CNTNAP5: variants seen among roughly 807,000 people sequenced by gnomAD.
CNTNAP5 encodes the protein contactin associated protein family member 5, also known as contactin-associated protein-like 5.
CNTNAP5 carries 72 observed loss-of-function variants against 150.2 expected under a neutral mutation model. That is an observed-to-expected ratio of 0.48 (90% confidence interval 0.40 to 0.58). The LOEUF (loss-of-function observed/expected upper bound fraction) is 0.58, where lower values mean the gene tolerates loss of function less well. Among genes scored for constraint, CNTNAP5 ranks in the 20% least tolerant of loss-of-function variants. CNTNAP5 has a pLI of 0.00. For synonymous variants in CNTNAP5, 672 were observed against 619.8 expected, an observed-to-expected ratio of 1.08 and a Z score of -1.25; for missense variants, 1,636 against 1,626.2, an observed-to-expected ratio of 1.01 and a Z score of -0.10.
At chr2:124,083,092 T>G (rs1033018361) in intron 1 of CNTNAP5, among the ~76,000 whole-genome samples, 28 of 152,338 alleles carry the variant, frequency 1.8e-4, no homozygotes, top group African/African-American at 6.5e-4. Context: ...GGCTCATGCC[T>G]GCAATCCCAG....
At chr2:124,351,572 G>A (rs1291544437) in intron 3 of CNTNAP5, among the ~76,000 whole-genome samples, 1 of 152,222 alleles carries the variant, frequency 6.6e-6, no homozygotes, top group Non-Finnish European at 1.5e-5. Flanking sequence ...ACAAGAAGTT[G>A]TGGAATAAGA....
intron 1 of CNTNAP5, among the ~76,000 whole-genome samples, chr2:124,206,913 A>G (rs1214991813): frequency 1.3e-5 from 2 of 152,180 alleles, no homozygotes; most frequent in African/African-American, 4.8e-5. Context: ...GGCAGAAAAA[A>G]AGCACTATAC....
chr2:124,536,511 G>A lies in CNTNAP5; in HGVS notation c.1649+9055G>A, dbSNP rs542190089. ...AAATTTGAGAACCACCACGTTGTTC[G>A]GTGATCGCCGTTTTCTACATAAGAC... On this transcript the variant is annotated intron_variant, in intron 10 of 23. Coordinates refer to ENST00000682447, the MANE Select transcript of CNTNAP5 (RefSeq NM_001367498.1). Among the ~76,000 whole-genome samples the A allele has an allele frequency of 1.2e-3, 177 of 152,200 alleles. 1 individual carries two copies. Among genetic ancestry groups the A allele is most frequent in the African/African-American group, 4.0e-3 (167 of 41,544 alleles).
chr2:124,428,825 G>A (rs1004225236), intron 4 of CNTNAP5, among the ~76,000 whole-genome samples: 4 of 152,100 alleles, frequency 2.6e-5, no homozygotes, highest in African/African-American at 7.2e-5. Flanking sequence ...ATCTCCACAA[G>A]TGTGTTAGAG....
intron 11 of CNTNAP5, among the ~76,000 whole-genome samples, chr2:124,585,669 C>CTTTTTTT (rs33978614): frequency 1.1e-3 from 76 of 66,380 alleles, no homozygotes; most frequent in Non-Finnish European, 1.4e-3. Context: ...GAGCTTGAAG[C>CTTTTTTT]TTTTTTTTTT....
chr2:124,624,556 A>C (rs1677680449), intron 12 of CNTNAP5, among the ~76,000 whole-genome samples: 2 of 152,174 alleles, frequency 1.3e-5, no homozygotes, highest in Admixed American at 1.3e-4. Context: ...TCAATTATTC[A>C]GTTGGTAATT....
chr2:124,629,519 CAA>C (rs1426584514), intron 12 of CNTNAP5, among the ~76,000 whole-genome samples: 1 of 152,028 alleles, frequency 6.6e-6, no homozygotes, highest in Non-Finnish European at 1.5e-5. Flanking sequence ...CCAATGAGAA[CAA>C]AGAGACAATT....
At chr2:124,709,430 T>C (rs947759099) in intron 13 of CNTNAP5, among the ~76,000 whole-genome samples, 3 of 152,100 alleles carry the variant, frequency 2.0e-5, no homozygotes, top group Non-Finnish European at 4.4e-5. Context: ...AAATGAGTCT[T>C]ACATAAATAT....
At chr2:124,550,078 C>A (rs1184092258) in intron 10 of CNTNAP5, among the ~76,000 whole-genome samples, 1 of 152,188 alleles carries the variant, frequency 6.6e-6, no homozygotes, top group Non-Finnish European at 1.5e-5. Context: ...CCATTAAAGT[C>A]CCCAGAGTTA....
intron 8 of CNTNAP5, among the ~76,000 whole-genome samples, chr2:124,516,870 G>C (rs1694731406): frequency 6.6e-6 from 1 of 152,190 alleles, no homozygotes; most frequent in African/African-American, 2.4e-5. Context: ...GAGAGAAAGA[G>C]AGAAAGAGGT....
At chr2:124,906,690 AT>A (rs1194734909) in intron 22 of CNTNAP5, among the ~76,000 whole-genome samples, 1 of 152,168 alleles carries the variant, frequency 6.6e-6, no homozygotes, top group Non-Finnish European at 1.5e-5. Flanking sequence ...CCAGTCCAAT[AT>A]TTTGTAAAAA....
intron 1 of CNTNAP5, among the ~76,000 whole-genome samples, chr2:124,180,844 A>G (rs1165035482): frequency 6.9e-6 from 1 of 144,580 alleles, no homozygotes; most frequent in Non-Finnish European, 1.5e-5. Flanking sequence ...CTGCCAGCTC[A>G]TTTCCTCTTA....
At chr2:124,453,735 C>A (rs539568887) in intron 6 of CNTNAP5, among the ~76,000 whole-genome samples, 1 of 152,154 alleles carries the variant, frequency 6.6e-6, no homozygotes, top group Non-Finnish European at 1.5e-5. Context: ...TCTTCAACTT[C>A]CACAAACAAA....
chr2:124,527,694 A>C (rs1695006751), intron 10 of CNTNAP5, among the ~76,000 whole-genome samples: 1 of 152,216 alleles, frequency 6.6e-6, no homozygotes, highest in African/African-American at 2.4e-5. Context: ...TTAAATCAAA[A>C]TACAAATTTG....
At chr2:124,594,552 G>A (rs1696777010) in intron 11 of CNTNAP5, among the ~76,000 whole-genome samples, 3 of 145,676 alleles carry the variant, frequency 2.1e-5, no homozygotes, top group African/African-American at 5.0e-5. Context: ...TTGTAGTATA[G>A]TTTGAAGTCA....
At position 124,670,966 on chromosome 2, in the gene CNTNAP5, T is replaced by C. The variant is rs148259036; in HGVS notation, c.2077+23008T>C. Among the ~76,000 whole-genome samples the C allele has an allele frequency of 8.1e-3, 1,231 of 152,306 alleles. 15 individuals are homozygous for C. Among genetic ancestry groups the C allele is most frequent in the African/African-American group, 0.029 (1,188 of 41,576 alleles). On this transcript the variant is annotated intron_variant, in intron 13 of 23. Transcript: ENST00000682447. Reference sequence around the variant, plus strand: ...GACTTAAGCTTCCTAAGTCAGAGGTTAGTGTCTGTTCATGTGTGATTGTAT... The same window carrying C: ...GACTTAAGCTTCCTAAGTCAGAGGTCAGTGTCTGTTCATGTGTGATTGTAT...
chr2:124,621,343 T>C, intron 12 of CNTNAP5, among the ~76,000 whole-genome samples: 1 of 152,186 alleles, frequency 6.6e-6, no homozygotes, highest in East Asian at 1.9e-4. Context: ...TTACAAGGAA[T>C]TTGCAAGGAA....
chr2:124,400,669 G>GTTTTTTT lies in CNTNAP5; in HGVS notation c.382-16761_382-16755dup, dbSNP rs760418441. Among the ~76,000 whole-genome samples the GTTTTTTT allele has an allele frequency of 1.1e-3, 94 of 84,456 alleles. 1 individual carries two copies. Among genetic ancestry groups the GTTTTTTT allele is most frequent in the East Asian group, 3.5e-3 (9 of 2,566 alleles). The allele number at this position is 84,456 out of a possible 152,430, so 55.4% of individuals were successfully genotyped here. On this transcript the variant is annotated intron_variant, in intron 3 of 23. Transcript: ENST00000682447. ...TAATTTTTGAAAGGATAAAGGCATT[G>GTTTTTTT]TTTTTTTTTTTTTTTTTTTGTTTTT...
At chr2:124,836,836 A>T (rs1420710073) in intron 19 of CNTNAP5, among the ~76,000 whole-genome samples, 1 of 152,114 alleles carries the variant, frequency 6.6e-6, no homozygotes, top group African/African-American at 2.4e-5. Context: ...TTATACACAT[A>T]CCTCGTGTTT....
Sources: gnomAD v4.1 joint callset for allele counts (sites outside exome capture counted in the v4.1 genomes callset) on GRCh38, gnomAD v4.1.1 for gene constraint, MANE v1.5 for transcripts, NCBI Gene and HGNC (gene_info 2026-07-23, HGNC 2026-07-21) for gene names.